Variants in IKZF4 observed in about 807,000 individuals in gnomAD.
IKZF4 encodes IKAROS family zinc finger 4, also known as zinc finger protein Eos.
In IKZF4, 11 loss-of-function variants were observed where a neutral mutation model predicts 47.7. The ratio of observed to expected loss-of-function variants is 0.23; its 90% CI spans 0.15 to 0.38. The LOEUF is 0.38. Ranked by LOEUF, IKZF4 falls within the 10% of genes least tolerant of loss-of-function variation. The pLI is 1.00. For missense variants in IKZF4, 557 were observed against 784.9 expected (o/e 0.71, Z 3.47); for synonymous variants, 298 against 299.4 (o/e 1.00, Z 0.05).
intron 2 of IKZF4, among the ~76,000 whole-genome samples, chr12:56,014,817 A>G (rs1891808378): frequency 6.6e-6 from 1 of 152,144 alleles, no homozygotes; most frequent in Non-Finnish European, 1.5e-5. Context: ...AAAAACAGGG[A>G]AAAGCAAGAA....
chr12:56,035,704 T>TGTA lies in IKZF4; in HGVS notation c.*373_*374insGTA. 1.1e-5 allele frequency: 2 copies of TGTA among 179,158 alleles called. No individual in the cohort carries two copies. The highest frequency in any genetic ancestry group is 1.3e-4 in the South Asian group (1 of 7,414). 11.1% of individuals were successfully genotyped at this position (179,158 alleles called of 1,614,324 possible). Reference sequence around the variant, plus strand: ...TAGGCCAATTTTTCTCTCTTAGATCTTCCAGCAGCCCCAGGGGTAGGAAGC... The same window carrying TGTA: ...TAGGCCAATTTTTCTCTCTTAGATCTGTATCCAGCAGCCCCAGGGGTAGGAAGC... On this transcript the variant is annotated 3_prime_UTR_variant, in exon 8 of 8. Transcript: ENST00000547167. This position sits in a 1 kb window ranked among gnomAD's most constrained non-coding sequence, Gnocchi z 6.1.
chr12:56,034,654 G>A lies in IKZF4; in HGVS notation c.1081G>A (p.Ala361Thr). The change falls in exon 8 of 8, where the codon GCA becomes ACA. Residue 361 changes from alanine to threonine, a missense_variant. By Grantham distance (58) the Ala-to-Thr change is moderately conservative. Transcript: ENST00000547167. ...CTATGAAAAGGATGTGGAGTTGGTGGCACACCACAGCCTAGAGCCTGGCTT... is the reference window on the plus strand; with the variant it reads ...CTATGAAAAGGATGTGGAGTTGGTGACACACCACAGCCTAGAGCCTGGCTT... ...GGYEKDVELV[A>T]HHSLEPGFGS... 1 of 1,614,024 alleles carries A rather than the reference G, an allele frequency of 6.2e-7. No homozygotes were observed.
rs773536904 is a variant in IKZF4, at chr12:56,033,305, A to G, written c.981A>G (p.Thr327=). 1.9e-6 allele frequency: 3 copies of G among 1,613,878 alleles called. No homozygotes were observed. The highest frequency in any genetic ancestry group is 1.1e-5 in the South Asian group (1 of 91,084). ...GCCTCACCAAACGCAAGCGTTCCAC[A>G]CCCCAGAAGTTTGTAGGTAAGAATC... The part of the protein sequence containing the change: ...ANSLTKRKRS[T]PQKFVGEKQM... Residue 327 remains threonine, a synonymous_variant, in exon 7 of 8, where the codon ACA becomes ACG. Coordinates refer to ENST00000547167, the MANE Select transcript of IKZF4 (RefSeq NM_022465.4).
At chr12:56,018,147 G>A (rs149805768), upstream of IKZF4, 146 of 1,289,266 alleles carry the variant, frequency 1.1e-4, no homozygotes, top group Non-Finnish European at 1.4e-4. Context: ...AATGGACATA[G>A]AAGACTGCAA....
intron 3 of IKZF4, among the ~76,000 whole-genome samples, chr12:56,026,195 C>T (rs928674157): frequency 5.3e-5 from 8 of 152,084 alleles, no homozygotes; most frequent in Non-Finnish European, 1.2e-4. Context: ...CCTTGGCCTC[C>T]CAAATTGCTG....
At chr12:56,021,642 A>T in intron 1 of IKZF4, 62 bp downstream of exon 1, 2 of 1,552,524 alleles carry the variant, frequency 1.3e-6, no homozygotes, top group Non-Finnish European at 8.7e-7. Flanking sequence ...CTAGGGAGCC[A>T]ATTCAGTAAC....
At chr12:56,013,384 T>C (rs1249410934) in intron 2 of IKZF4, among the ~76,000 whole-genome samples, 1 of 151,990 alleles carries the variant, frequency 6.6e-6, no homozygotes, top group Non-Finnish European at 1.5e-5. Flanking sequence ...TTAGTAGAGA[T>C]GGGGTTTCGC....
intron 7 of IKZF4, among the ~76,000 whole-genome samples, 161 bp downstream of exon 7, chr12:56,033,482 C>T (rs1328257607): frequency 2.0e-5 from 3 of 152,174 alleles, no homozygotes; most frequent in South Asian, 2.1e-4. Context: ...CCAAGGTGGG[C>T]AGATCAAGAG....
intron 4 of IKZF4, 132 bp from the exon 5 acceptor site, chr12:56,027,648 T>C: frequency 1.2e-6 from 1 of 860,922 alleles, no homozygotes; most frequent in South Asian, 1.4e-5. Context: ...TTTGTGTGCA[T>C]TGCACTTCTG....
intron 2 of IKZF4, among the ~76,000 whole-genome samples, chr12:56,013,937 G>T (rs1320817389): frequency 6.6e-6 from 1 of 152,142 alleles, no homozygotes; most frequent in Non-Finnish European, 1.5e-5. Flanking sequence ...GATTACCTGA[G>T]GTCAGGAGTT....
chr12:56,033,223 A>C lies in IKZF4; in HGVS notation c.899A>C (p.Asp300Ala). The C allele has an allele frequency of 6.2e-7, 1 of 1,613,672 alleles. No individual in the cohort carries two copies. The highest frequency in any genetic ancestry group is 8.5e-7 in the Non-Finnish European group (1 of 1,179,818). Residue 300 changes from aspartate to alanine, a missense_variant, in exon 7 of 8, where the codon GAC becomes GCC. By Grantham distance (126) the Asp-to-Ala change is moderately radical. Around this residue, in one of 6 missense-constraint regions of IKZF4, gnomAD observed 72 missense variants for 112.4 expected, o/e 0.64. Coordinates refer to ENST00000547167, the MANE Select transcript of IKZF4 (RefSeq NM_022465.4). ...DEIRDLEMVP[D>A]SMLHSSSERP... is the part of the protein sequence containing the mutation. ...ATACGTGACCTGGAGATGGTGCCAGACTCCATGCTGCACTCATCCTCTGAG... is the reference window on the plus strand; with the variant it reads ...ATACGTGACCTGGAGATGGTGCCAGCCTCCATGCTGCACTCATCCTCTGAG...
intron 1 of IKZF4, among the ~76,000 whole-genome samples, chr12:56,009,341 G>C (rs1485145677): frequency 3.9e-5 from 6 of 152,198 alleles, no homozygotes; most frequent in Non-Finnish European, 5.9e-5. Context: ...CTGAGGACAA[G>C]GCCAGATAAA....
upstream of IKZF4, chr12:56,007,592 C>T: frequency 6.4e-6 from 1 of 157,270 alleles, no homozygotes; most frequent in Non-Finnish European, 1.4e-5. Flanking sequence ...CCGGCGACTG[C>T]CGCCGCCTCA....
At chr12:56,009,303 A>AT (rs1217800200) in intron 1 of IKZF4, among the ~76,000 whole-genome samples, 4 of 152,220 alleles carry the variant, frequency 2.6e-5, no homozygotes, top group African/African-American at 9.6e-5. Context: ...ACTACCTAGA[A>AT]TATTTCCACT....
At chr12:56,017,223 TC>T (rs143740090), upstream of IKZF4, among the ~76,000 whole-genome samples, 108 of 122,522 alleles carry the variant, frequency 8.8e-4, no homozygotes, top group African/African-American at 2.7e-3. Context: ...AAATTCAGAC[TC>T]CCCCCCCGCC....
chr12:56,028,419 G>C (rs1894380819), intron 5 of IKZF4, among the ~76,000 whole-genome samples: 1 of 151,052 alleles, frequency 6.6e-6, no homozygotes, highest in Non-Finnish European at 1.5e-5. Flanking sequence ...TGTAGTCCCA[G>C]CTACTTGGGA....
Position 56,021,186 on chromosome 12 carries a change from T to C in IKZF4, c.-308T>C. ...GTCTTGGAAAAGGGATGCTGTAGCC[T>C]AGCATCTCCCCCACTATATACACAT... On this transcript the variant is annotated 5_prime_UTR_variant, in exon 1 of 8. Transcript: ENST00000547167. 2 of 1,328,996 alleles carry C rather than the reference T, an allele frequency of 1.5e-6. No homozygotes were observed. Among genetic ancestry groups the C allele is most frequent in the African/African-American group, 1.6e-5 (1 of 61,826 alleles). 82.3% of individuals were successfully genotyped at this position (1,328,996 alleles called of 1,614,324 possible).
intron 2 of IKZF4, among the ~76,000 whole-genome samples, chr12:56,015,392 C>T (rs1007219726): frequency 6.6e-6 from 1 of 151,914 alleles, no homozygotes. Context: ...GCACTTTGAA[C>T]TTTGCATTCT....
chr12:56,024,827 A>G, intron 2 of IKZF4: 3 of 1,400,354 alleles, frequency 2.1e-6, no homozygotes, highest in Non-Finnish European at 2.8e-6. Flanking sequence ...TCAGGCCTAG[A>G]TAAAGGTAGG....
Sources: gnomAD v4.1 joint callset for allele counts (sites outside exome capture counted in the v4.1 genomes callset) on GRCh38, gnomAD v4.1.1 for gene constraint, gnomAD v4.1.1 regional missense constraint, Gnocchi (gnomAD v3.1) non-coding constraint, MANE v1.5 for transcripts, NCBI Gene and HGNC (gene_info 2026-07-23, HGNC 2026-07-21) for gene names.